Variants in TMEM178B observed in about 807,000 individuals in gnomAD.
TMEM178B encodes transmembrane protein 178B.
In TMEM178B, 5 loss-of-function variants were observed where a neutral mutation model predicts 31.0. That is an observed-to-expected ratio of 0.16 (90% CI 0.08 to 0.34). TMEM178B has a LOEUF of 0.34. TMEM178B is among the 10% of genes least tolerant of loss of function. TMEM178B has a pLI of 1.00. For missense variants in TMEM178B, 275 were observed against 400.3 expected (o/e 0.69, Z 2.67); for synonymous variants, 164 against 164.0 (o/e 1.00, Z 0.00).
At chr7:141,385,009 A>G (rs913516266) in intron 2 of TMEM178B, among the ~76,000 whole-genome samples, 74 of 152,278 alleles carry the variant, frequency 4.9e-4, no homozygotes, top group Non-Finnish European at 1.0e-3. Context: ...CTTTGTTCTT[A>G]GATAAACCAA....
chr7:141,405,315 C>T (rs1800862941), intron 2 of TMEM178B, among the ~76,000 whole-genome samples: 1 of 152,250 alleles, frequency 6.6e-6, no homozygotes. Context: ...CTCGGCCTGG[C>T]TAGGACAGTG....
intron 1 of TMEM178B, among the ~76,000 whole-genome samples, chr7:141,138,778 C>T (rs973664404): frequency 9.9e-5 from 15 of 151,502 alleles, no homozygotes; most frequent in East Asian, 1.9e-4. Context: ...GTCAGGAGAC[C>T]GAGACCATCC....
chr7:141,498,695 A>G, the TMEM178B span, among the ~76,000 whole-genome samples: 6 of 152,354 alleles, frequency 3.9e-5, no homozygotes, highest in South Asian at 1.2e-3. Context: ...AAAAATCAGA[A>G]GAAGAGTAGT....
chr7:141,248,748 T>C (rs1034266773), intron 2 of TMEM178B, among the ~76,000 whole-genome samples: 2 of 152,190 alleles, frequency 1.3e-5, no homozygotes, highest in African/African-American at 4.8e-5. Context: ...TTGCTCTGGG[T>C]GAGTCGGTGA....
At chr7:141,296,966 C>A (rs958059396) in intron 2 of TMEM178B, 1 of 152,194 alleles carries the variant, frequency 6.6e-6, no homozygotes, top group African/African-American at 2.4e-5. Flanking sequence ...AGGGAGAAAG[C>A]CTACAATGGT....
At chr7:141,463,014 G>A (rs538363741) in intron 3 of TMEM178B, among the ~76,000 whole-genome samples, 6 of 152,224 alleles carry the variant, frequency 3.9e-5, no homozygotes, top group African/African-American at 7.2e-5. Flanking sequence ...GTTTACAGAC[G>A]GGGACACTGG....
intron 1 of TMEM178B, among the ~76,000 whole-genome samples, chr7:141,117,533 T>C (rs1231754283): frequency 6.6e-6 from 1 of 152,220 alleles, no homozygotes; most frequent in Non-Finnish European, 1.5e-5. Context: ...TTTGTCAATT[T>C]TGGCTTTTGT....
chr7:141,110,870 G>A (rs12666997), intron 1 of TMEM178B, among the ~76,000 whole-genome samples: 28,090 of 152,022 alleles, frequency 0.18, 2,712 homozygotes, highest in African/African-American at 0.24. Flanking sequence ...CTGAGAGCTC[G>A]CTGTCTTGTT....
intron 2 of TMEM178B, among the ~76,000 whole-genome samples, chr7:141,425,083 C>T (rs1349143932): frequency 4.6e-5 from 7 of 152,184 alleles, no homozygotes; most frequent in African/African-American, 1.2e-4. Context: ...CTTATATAGT[C>T]GTTGGGAGGA....
chr7:141,113,603 G>T (rs988678381), intron 1 of TMEM178B, among the ~76,000 whole-genome samples: 1 of 152,110 alleles, frequency 6.6e-6, no homozygotes, highest in Admixed American at 6.5e-5. Flanking sequence ...TTACCCAACT[G>T]GAATGGGAGT....
chr7:141,435,676 G>C (rs1315819995), intron 2 of TMEM178B, among the ~76,000 whole-genome samples: 2 of 152,192 alleles, frequency 1.3e-5, no homozygotes, highest in Non-Finnish European at 2.9e-5. Flanking sequence ...CAGGCCGCTG[G>C]CCTCACAAGC....
intron 2 of TMEM178B, among the ~76,000 whole-genome samples, chr7:141,400,909 C>T (rs1800750595): frequency 6.6e-6 from 1 of 152,174 alleles, no homozygotes; most frequent in Non-Finnish European, 1.5e-5. Context: ...TAGATGGTAA[C>T]CAGTTGTCTC....
intron 2 of TMEM178B, among the ~76,000 whole-genome samples, chr7:141,402,144 C>A (rs1800791665): frequency 6.6e-6 from 1 of 152,212 alleles, no homozygotes. Context: ...GACCCGCTCA[C>A]TACACTAAAA....
At chr7:141,081,565 G>T (rs1371723045) in intron 1 of TMEM178B, among the ~76,000 whole-genome samples, 1 of 151,948 alleles carries the variant, frequency 6.6e-6, no homozygotes, top group Non-Finnish European at 1.5e-5. Context: ...GAACTTGGGA[G>T]GTGGAGGTTG....
chr7:141,164,324 G>A (rs1796227203), intron 1 of TMEM178B, among the ~76,000 whole-genome samples: 2 of 152,178 alleles, frequency 1.3e-5, no homozygotes, highest in South Asian at 4.1e-4. Flanking sequence ...AGGCGAGTCA[G>A]TGTGACAATC....
In TMEM178B at chr7:141,178,402, AT is replaced by A. The variant is rs370335583; in HGVS notation, c.383-34188del. 6.1e-4 allele frequency among the ~76,000 whole-genome samples: 93 copies of A among 152,342 alleles called. 4 individuals are homozygous for A. The highest frequency in any genetic ancestry group is 2.0e-3 in the African/African-American group (83 of 41,590). On this transcript the variant is annotated intron_variant, in intron 1 of 3. Transcript: ENST00000565468. ...GAAGACATAGAAGCGTTTTAGCACT[AT>A]CCACTTTAATGTAATAATCCTAATC...
intron 2 of TMEM178B, among the ~76,000 whole-genome samples, chr7:141,342,523 C>A (rs1799532846): frequency 6.6e-6 from 1 of 152,220 alleles, no homozygotes; most frequent in Admixed American, 6.5e-5. Context: ...CTCCTCCTTC[C>A]AGCCGAGGTC....
At chr7:141,250,006 A>G (rs1797803731) in intron 2 of TMEM178B, among the ~76,000 whole-genome samples, 1 of 152,238 alleles carries the variant, frequency 6.6e-6, no homozygotes, top group African/African-American at 2.4e-5. Flanking sequence ...TTCTTTTTAA[A>G]GAAATAAAAC....
chr7:141,348,432 C>T (rs1042603236), intron 2 of TMEM178B, among the ~76,000 whole-genome samples: 4 of 152,150 alleles, frequency 2.6e-5, no homozygotes, highest in Non-Finnish European at 4.4e-5. Context: ...TGTGAAGGAA[C>T]GGCATTCCGA....
Sources: gnomAD v4.1 joint callset for allele counts (sites outside exome capture counted in the v4.1 genomes callset) on GRCh38, gnomAD v4.1.1 for gene constraint, MANE v1.5 for transcripts, NCBI Gene and HGNC (gene_info 2026-07-23, HGNC 2026-07-21) for gene names.